STK32A: variants seen among roughly 807,000 people sequenced by gnomAD.
The protein encoded by STK32A is serine/threonine-protein kinase 32A.
In STK32A, 41 loss-of-function variants were observed where a neutral mutation model predicts 53.2. The observed-to-expected ratio is 0.77, with a 90% CI of 0.60 to 1.00. STK32A has a LOEUF of 1.00. Among genes scored for constraint, STK32A ranks in the 50% least tolerant of loss-of-function variants. The pLI is 0.00. For missense variants in STK32A, 458 were observed against 485.8 expected (o/e 0.94, Z 0.54); for synonymous variants, 166 against 162.8 (o/e 1.02, Z -0.15).
chr5:147,334,482 G>T (rs1414184845), intron 5 of STK32A, among the ~76,000 whole-genome samples: 1 of 152,078 alleles, frequency 6.6e-6, no homozygotes, highest in African/African-American at 2.4e-5. Flanking sequence ...TATTAACCCT[G>T]GTATCAGATA....
intron 2 of STK32A, among the ~76,000 whole-genome samples, chr5:147,255,126 A>T (rs1205104901): frequency 1.3e-5 from 2 of 152,058 alleles, no homozygotes; most frequent in Non-Finnish European, 2.9e-5. Context: ...GGCGACAGAG[A>T]CTCCACCTCA....
chr5:147,392,605 C>G (rs984127456), downstream of STK32A: 3 of 152,324 alleles, frequency 2.0e-5, no homozygotes, highest in African/African-American at 7.2e-5. Context: ...ACAGGACTTG[C>G]TCCAAAACTG....
At chr5:147,240,978 G>A (rs781168217) in intron 2 of STK32A, among the ~76,000 whole-genome samples, 14 of 152,204 alleles carry the variant, frequency 9.2e-5, no homozygotes, top group South Asian at 4.1e-4. Context: ...TGTCACTTTC[G>A]TTCACTTCCA....
chr5:147,294,754 G>A (rs1476379145), intron 4 of STK32A, among the ~76,000 whole-genome samples: 1 of 151,546 alleles, frequency 6.6e-6, no homozygotes, highest in South Asian at 2.1e-4. Context: ...TGCGATCTTG[G>A]CTCACTGCAA....
Position 147,239,592 on chromosome 5 carries a change from C to T in STK32A, c.-43C>T, listed in dbSNP as rs367740400. ...TTGAGCGAAGATGGGTGTTTCTGCC[C>T]GGATAGTATAAATCGAGGATCCAGG... On this transcript the variant is annotated 5_prime_UTR_variant, in exon 2 of 13. Coordinates refer to ENST00000397936, the MANE Select transcript of STK32A (RefSeq NM_001112724.2). The T allele has an allele frequency of 3.0e-5, 46 of 1,518,952 alleles. No individual in the cohort carries two copies. Among genetic ancestry groups the T allele is most frequent in the African/African-American group, 2.2e-4 (16 of 71,854 alleles). 94.1% of individuals were successfully genotyped at this position (1,518,952 alleles called of 1,614,324 possible). A position where few individuals can be genotyped will look rare whatever the true frequency, so the allele number is the denominator to read the frequency against.
At chr5:147,286,619 T>A (rs1404382966) in intron 4 of STK32A, among the ~76,000 whole-genome samples, 1 of 152,152 alleles carries the variant, frequency 6.6e-6, no homozygotes, top group Non-Finnish European at 1.5e-5. Flanking sequence ...TTCATCTTCA[T>A]CCCTACTGTT....
intron 4 of STK32A, among the ~76,000 whole-genome samples, chr5:147,291,670 A>C (rs1328949334): frequency 6.6e-6 from 1 of 152,186 alleles, no homozygotes; most frequent in Non-Finnish European, 1.5e-5. Context: ...TTGTTGTAGC[A>C]GGAAATAATT....
intron 4 of STK32A, among the ~76,000 whole-genome samples, chr5:147,292,178 G>GT (rs1285489375): frequency 6.6e-6 from 1 of 152,188 alleles, no homozygotes; most frequent in African/African-American, 2.4e-5. Context: ...TATCAGGTCA[G>GT]TTTTCCAAAA....
intron 7 of STK32A, among the ~76,000 whole-genome samples, chr5:147,355,687 A>G (rs1312742645): frequency 6.6e-6 from 1 of 152,124 alleles, no homozygotes; most frequent in Admixed American, 6.5e-5. Flanking sequence ...CAAAAAAAAT[A>G]AAATGAATAA....
the STK32A span, among the ~76,000 whole-genome samples, chr5:147,395,092 C>CA: frequency 6.6e-6 from 1 of 152,164 alleles, no homozygotes; most frequent in East Asian, 1.9e-4. Context: ...CTAGTGTTAG[C>CA]ATTATTATAA....
At chr5:147,375,329 T>G in intron 11 of STK32A, 111 bp downstream of exon 11, 1 of 1,377,592 alleles carries the variant, frequency 7.3e-7, no homozygotes, top group Non-Finnish European at 9.7e-7. Flanking sequence ...TGCTGCTTAG[T>G]GAAATAGGAG....
intron 2 of STK32A, among the ~76,000 whole-genome samples, chr5:147,245,732 G>T (rs1287491645): frequency 6.6e-6 from 1 of 152,204 alleles, no homozygotes; most frequent in Non-Finnish European, 1.5e-5. Context: ...TTAAAAAGCT[G>T]CTCTAAAGAG....
chr5:147,286,430 C>A (rs1752342451), intron 4 of STK32A, among the ~76,000 whole-genome samples: 1 of 152,062 alleles, frequency 6.6e-6, no homozygotes, highest in Non-Finnish European at 1.5e-5. Context: ...GAAAAATAAT[C>A]CAGCACCACA....
the STK32A span, among the ~76,000 whole-genome samples, chr5:147,394,572 T>C: frequency 1.3e-5 from 2 of 152,062 alleles, no homozygotes; most frequent in Non-Finnish European, 2.9e-5. Flanking sequence ...GCAGTGATGG[T>C]CAGGTCTTTG....
rs764240746 is a variant in STK32A at position 147,351,107 on chromosome 5, C to A, written c.515C>A (p.Pro172His). Residue 172 changes from proline (P) to histidine (H), a missense_variant, in exon 7 of 13, where the codon CCC (proline) becomes CAC (histidine). By Grantham distance (77) the Pro-to-His change is moderately conservative. Coordinates refer to ENST00000397936, the MANE Select transcript of STK32A (RefSeq NM_001112724.2). ...GATTTCAACATTGCTGCGATGCTGC[C>A]CAGGGAGACACAGATTACCACCATG... is the stretch of plus-strand genomic sequence containing the variant. ...ITDFNIAAML[P>H]RETQITTMAG... is the part of the protein sequence containing the mutation. 1 of 1,613,908 alleles carries A rather than the reference C, an allele frequency of 6.2e-7. No individual in the cohort carries two copies. Among genetic ancestry groups the A allele is most frequent in the East Asian group, 2.2e-5 (1 of 44,864 alleles).
intron 4 of STK32A, among the ~76,000 whole-genome samples, chr5:147,283,453 A>G (rs565662798): frequency 6.3e-5 from 9 of 143,890 alleles, no homozygotes; most frequent in African/African-American, 2.4e-4. Flanking sequence ...TCAAAGCAGA[A>G]CTAAATGAAA....
intron 2 of STK32A, among the ~76,000 whole-genome samples, chr5:147,258,977 C>T (rs1281202330): frequency 6.6e-6 from 1 of 152,060 alleles, no homozygotes; most frequent in Non-Finnish European, 1.5e-5. Flanking sequence ...GCAAACAGCT[C>T]TCACGTTTGA....
the STK32A span, chr5:147,399,398 TCAGCAAG>T: frequency 1.1e-6 from 1 of 893,496 alleles, no homozygotes; most frequent in South Asian, 2.1e-5. Context: ...AGAACCTCAC[TCAGCAAG>T]CTCGAATTAG....
chr5:147,348,555 C>T, intron 6 of STK32A: 1 of 667,574 alleles, frequency 1.5e-6, no homozygotes, highest in Non-Finnish European at 2.8e-6. Flanking sequence ...GCTCTAAAAC[C>T]TTCTCTACCT....
Sources: allele counts gnomAD v4.1 joint callset (sites outside exome capture counted in the v4.1 genomes callset), GRCh38; gene constraint gnomAD v4.1.1; transcripts MANE v1.5; gene names NCBI Gene and HGNC (gene_info 2026-07-23, HGNC 2026-07-21).